BICC1: variants seen among roughly 807,000 people sequenced by gnomAD.
BICC1 encodes the protein BicC family RNA binding protein 1.
In BICC1, 43 loss-of-function variants were observed where a neutral mutation model predicts 111.0. That is an observed-to-expected ratio of 0.39 (90% confidence interval 0.30 to 0.50). The LOEUF (loss-of-function observed/expected upper bound fraction) is 0.50, where lower values mean the gene tolerates loss of function less well. Ranked by LOEUF, BICC1 falls within the 20% of genes least tolerant of loss-of-function variation. The pLI, the probability that BICC1 is intolerant of heterozygous loss-of-function variation, is 0.88. For synonymous variants in BICC1, 467 were observed against 434.4 expected, an observed-to-expected ratio of 1.07 and a Z score of -0.93; for missense variants, 1,091 against 1,203.2, an observed-to-expected ratio of 0.91 and a Z score of 1.38.
intron 1 of BICC1, among the ~76,000 whole-genome samples, chr10:58,600,189 G>T (rs2132069099): frequency 6.6e-6 from 1 of 152,254 alleles, no homozygotes; most frequent in Non-Finnish European, 1.5e-5. Context: ...TCAGCTCCCA[G>T]CCCTTACTGT....
At chr10:58,582,129 A>C (rs1457390623) in intron 1 of BICC1, among the ~76,000 whole-genome samples, 1 of 152,176 alleles carries the variant, frequency 6.6e-6, no homozygotes, top group Non-Finnish European at 1.5e-5. Context: ...AGCTGGATGT[A>C]CTAATATTAT....
chr10:58,768,807 AAAAGAT>A (rs1842530324), intron 3 of BICC1, among the ~76,000 whole-genome samples: 1 of 152,100 alleles, frequency 6.6e-6, no homozygotes, highest in African/African-American at 2.4e-5. Context: ...GTAGATACAC[AAAAGAT>A]AAAGAATCAA....
At chr10:58,634,828 C>T (rs748846025) in intron 2 of BICC1, among the ~76,000 whole-genome samples, 4 of 152,002 alleles carry the variant, frequency 2.6e-5, no homozygotes, top group East Asian at 1.9e-4. Flanking sequence ...TATGGTATAA[C>T]GTATTCTTAC....
chr10:58,532,894 T>C (rs1842718986), intron 1 of BICC1, among the ~76,000 whole-genome samples: 1 of 151,776 alleles, frequency 6.6e-6, no homozygotes, highest in Non-Finnish European at 1.5e-5. Context: ...AACATGGTTT[T>C]GCCAGTACAA....
At chr10:58,775,899 C>G (rs1442268194) in intron 3 of BICC1, among the ~76,000 whole-genome samples, 2 of 152,184 alleles carry the variant, frequency 1.3e-5, no homozygotes, top group African/African-American at 4.8e-5. Flanking sequence ...GAAACACAGT[C>G]TTTAGCACAC....
chr10:58,625,936 T>C (rs888516693), intron 2 of BICC1, among the ~76,000 whole-genome samples: 4 of 152,332 alleles, frequency 2.6e-5, no homozygotes, highest in Admixed American at 2.0e-4. Context: ...TAAGTTTTGG[T>C]TTAATTATTT....
chr10:58,650,305 T>A (rs1838405971), intron 2 of BICC1: 1 of 152,208 alleles, frequency 6.6e-6, no homozygotes, highest in Non-Finnish European at 1.5e-5. Flanking sequence ...TAACTTTGAA[T>A]TAACTGGTTA....
In BICC1 at chr10:58,828,998, C is replaced by G. The variant is rs1844480863; in HGVS notation, c.*107C>G. The G allele has an allele frequency of 7.2e-7, 1 of 1,382,722 alleles. No individual in the cohort carries two copies. The highest frequency in any genetic ancestry group is 9.9e-7 in the Non-Finnish European group (1 of 1,014,318). The allele number at this position is 1,382,722 out of a possible 1,614,324, so 85.7% of individuals were successfully genotyped here. On this transcript the variant is annotated 3_prime_UTR_variant, in exon 21 of 21. Coordinates refer to ENST00000373886, the MANE Select transcript of BICC1 (RefSeq NM_001080512.3). Reference sequence around the variant, plus strand: ...CCTTAGCACTCTGGGTGTCTGGTATCAGGACCAAAGCATTTTATTCGCACC... The same window carrying G: ...CCTTAGCACTCTGGGTGTCTGGTATGAGGACCAAAGCATTTTATTCGCACC...
intron 2 of BICC1, among the ~76,000 whole-genome samples, chr10:58,667,121 C>T (rs553878205): frequency 6.6e-6 from 1 of 152,032 alleles, no homozygotes; most frequent in African/African-American, 2.4e-5. Context: ...ACTAGGATTT[C>T]ATTTTATTTT....
chr10:58,739,089 C>T (rs1841569965), intron 3 of BICC1, among the ~76,000 whole-genome samples: 1 of 152,088 alleles, frequency 6.6e-6, no homozygotes, highest in Admixed American at 6.5e-5. Flanking sequence ...CTTCTCTTGC[C>T]TAATTGCCCT....
chr10:58,643,117 G>T (rs1838171990), intron 2 of BICC1, among the ~76,000 whole-genome samples: 1 of 152,068 alleles, frequency 6.6e-6, no homozygotes, highest in Non-Finnish European at 1.5e-5. Flanking sequence ...TGTATTTTTT[G>T]GCTTTCTCAG....
Position 58,513,040 on chromosome 10 carries a change from T to C in BICC1, c.-104T>C. 1 of 886,830 alleles carries C rather than the reference T, an allele frequency of 1.1e-6. No homozygotes were observed. The highest frequency in any genetic ancestry group is 1.5e-6 in the Non-Finnish European group (1 of 683,864). 54.9% of individuals were successfully genotyped at this position (886,830 alleles called of 1,614,324 possible). A position where few individuals can be genotyped will look rare whatever the true frequency, so the allele number is the denominator to read the frequency against. The stretch of plus-strand genomic sequence containing the variant: ...CGTCGGCGGCTGCAGGGGGACGAGC[T>C]AGCGCCGCGGCGCTGGGAGCCAGTT... On this transcript the variant is annotated 5_prime_UTR_variant, in exon 1 of 21. An upstream open reading frame in the 5' UTR loses its in-frame stop. Coordinates refer to ENST00000373886, the MANE Select transcript of BICC1 (RefSeq NM_001080512.3).
chr10:58,652,190 A>G (rs1396241600), intron 2 of BICC1, among the ~76,000 whole-genome samples: 1 of 152,150 alleles, frequency 6.6e-6, no homozygotes, highest in Admixed American at 6.5e-5. Context: ...AACATAACCA[A>G]TCTATCATCT....
At chr10:58,586,250 A>C (rs1208014494) in intron 1 of BICC1, among the ~76,000 whole-genome samples, 1 of 152,120 alleles carries the variant, frequency 6.6e-6, no homozygotes, top group African/African-American at 2.4e-5. Flanking sequence ...TGTCTGCTAC[A>C]TTTCAGATAT....
At chr10:58,821,632 T>A (rs2132976116) in intron 20 of BICC1, among the ~76,000 whole-genome samples, 1 of 152,244 alleles carries the variant, frequency 6.6e-6, no homozygotes, top group Non-Finnish European at 1.5e-5. Context: ...TCTACACTCA[T>A]CAGTTTTCCC....
At chr10:58,664,603 T>C (rs1270819173) in intron 2 of BICC1, among the ~76,000 whole-genome samples, 1 of 152,150 alleles carries the variant, frequency 6.6e-6, no homozygotes, top group Non-Finnish European at 1.5e-5. Context: ...ATTGTAGTTA[T>C]TTTAAAAGTT....
intron 1 of BICC1, among the ~76,000 whole-genome samples, chr10:58,553,289 A>G (rs922926624): frequency 2.6e-5 from 4 of 152,198 alleles, no homozygotes; most frequent in African/African-American, 9.6e-5. Flanking sequence ...GGTGGGCCTA[A>G]TGCAATCACA....
At chr10:58,575,124 A>G (rs546934555) in intron 1 of BICC1, among the ~76,000 whole-genome samples, 59 of 151,716 alleles carry the variant, frequency 3.9e-4, no homozygotes, top group African/African-American at 1.4e-3. Context: ...TCAACTCATC[A>G]TCTAGGTTTT....
At chr10:58,621,903 T>TTAGAATAGAATAGAATAGAG (rs1845821172) in intron 2 of BICC1, among the ~76,000 whole-genome samples, 1 of 44,742 alleles carries the variant, frequency 2.2e-5, no homozygotes, top group East Asian at 5.5e-4. Context: ...GTCTCTAAAA[T>TTAGAATAGAATAGAATAGAG]TAGAATAGAA....
Sources: allele counts gnomAD v4.1 joint callset (sites outside exome capture counted in the v4.1 genomes callset), GRCh38; gene constraint gnomAD v4.1.1; transcripts MANE v1.5; gene names NCBI Gene and HGNC (gene_info 2026-07-23, HGNC 2026-07-21).